Variants in JMJD1C observed in about 807,000 individuals in gnomAD.
The protein encoded by JMJD1C is jumonji domain containing 1C, also known as jumonji domain-containing protein 1C.
A neutral mutation model predicts 245.3 loss-of-function variants in JMJD1C; 31 were observed. The observed-to-expected ratio is 0.13, with a 90% CI of 0.09 to 0.17. The LOEUF (loss-of-function observed/expected upper bound fraction) is 0.17, where lower values mean the gene tolerates loss of function less well. Ranked by LOEUF, JMJD1C falls within the 10% of genes least tolerant of loss-of-function variation. The pLI, the probability that JMJD1C is intolerant of heterozygous loss-of-function variation, is 1.00. For synonymous variants in JMJD1C, 1,057 were observed against 1,017.4 expected (o/e 1.04, Z -0.74); for missense variants, 2,691 against 3,000.2 (o/e 0.90, Z 2.41).
intron 1 of JMJD1C, among the ~76,000 whole-genome samples, chr10:63,393,125 G>A (rs4746125): frequency 0.16 from 24,701 of 151,946 alleles, 2,474 homozygotes; most frequent in Admixed American, 0.31. Context: ...AAAATTAGCC[G>A]GATGTGGTGG....
At chr10:63,303,689 G>C (rs545217599) in intron 2 of JMJD1C, among the ~76,000 whole-genome samples, 102 of 152,216 alleles carry the variant, frequency 6.7e-4, no homozygotes, top group African/African-American at 2.4e-3. Context: ...GTTATTTCTT[G>C]TACTGTTATG....
At chr10:63,379,253 C>A (rs1342821023) in intron 2 of JMJD1C, among the ~76,000 whole-genome samples, 3 of 152,046 alleles carry the variant, frequency 2.0e-5, no homozygotes, top group African/African-American at 7.2e-5. Context: ...TTAGTTATAT[C>A]AAATACCTGC....
In JMJD1C at chr10:63,208,398, T is replaced by G. The variant is rs1369753710; in HGVS notation, c.3271A>C (p.Ser1091Arg). 18 of 1,613,926 alleles carry G rather than the reference T, an allele frequency of 1.1e-5. No homozygotes were observed. Among genetic ancestry groups the G allele is most frequent in the African/African-American group, 2.7e-5 (2 of 74,918 alleles). ...KHSVPQSLPQ[S>R]NYFTTLSNSV... ...TTAGACAATGTAGTGAAATAGTTACTTTGGGGTAAACTCTGAGGCACTGAG... is the reference window on the plus strand; with the variant it reads ...TTAGACAATGTAGTGAAATAGTTACGTTGGGGTAAACTCTGAGGCACTGAG... The change falls in exon 10 of 26, where the codon AGT becomes CGT. Residue 1091 changes from serine to arginine, a missense_variant. This residue lies in a region of JMJD1C where 1,562 missense variants were observed against 1,490.7 expected (regional missense o/e 1.05). Transcript: ENST00000399262.
intron 3 of JMJD1C, among the ~76,000 whole-genome samples, chr10:63,256,628 T>C (rs1179865402): frequency 6.6e-6 from 1 of 152,198 alleles, no homozygotes; most frequent in Non-Finnish European, 1.5e-5. Context: ...TATTACAAAA[T>C]AGCTGTTTCC....
At chr10:63,169,117 CT>C (rs1377479662) in intron 24 of JMJD1C, among the ~76,000 whole-genome samples, 1 of 152,120 alleles carries the variant, frequency 6.6e-6, no homozygotes, top group Non-Finnish European at 1.5e-5. Flanking sequence ...TTATTCATGC[CT>C]TTCTTTTGTG....
At chr10:63,334,777 C>T (rs1942524973) in intron 2 of JMJD1C, among the ~76,000 whole-genome samples, 1 of 150,740 alleles carries the variant, frequency 6.6e-6, no homozygotes, top group South Asian at 2.2e-4. Context: ...GGCGTGATCT[C>T]AGCTTACTGC....
At chr10:63,283,034 T>G (rs575950362) in intron 2 of JMJD1C, among the ~76,000 whole-genome samples, 1 of 152,198 alleles carries the variant, frequency 6.6e-6, no homozygotes, top group South Asian at 2.1e-4. Flanking sequence ...TTTTCTTAAT[T>G]CAGGTCAGTT....
At chr10:63,330,964 G>A (rs1162424114) in intron 2 of JMJD1C, among the ~76,000 whole-genome samples, 1 of 152,084 alleles carries the variant, frequency 6.6e-6, no homozygotes, top group Non-Finnish European at 1.5e-5. Context: ...CTAAGGCTCT[G>A]CACAGTCGAT....
Position 63,206,546 on chromosome 10 carries a change from A to C in JMJD1C, c.5074+49T>G, listed in dbSNP as rs900599834. The C allele has an allele frequency of 2.1e-6, 3 of 1,444,096 alleles. No individual in the cohort carries two copies. In the African/African-American group the frequency reaches 4.3e-5, roughly 21 times the overall value. The allele number at this position is 1,444,096 out of a possible 1,614,324, so 89.5% of individuals were successfully genotyped here. A position where few individuals can be genotyped will look rare whatever the true frequency, so the allele number is the denominator to read the frequency against. ...TTTAAAGCAGCACACTAGTATAGCT[A>C]AAACATTCAGCCCATTTTACCTGAG... On this transcript the variant is annotated intron_variant, in intron 10 of 25. Transcript: ENST00000399262.
intron 1 of JMJD1C, among the ~76,000 whole-genome samples, chr10:63,409,137 G>T (rs1949343029): frequency 6.6e-6 from 1 of 152,122 alleles, no homozygotes. Flanking sequence ...TCTCATGCAG[G>T]TTAATTTCTC....
At chr10:63,496,265 G>A (rs1954363996) in intron 1 of JMJD1C, among the ~76,000 whole-genome samples, 2 of 151,868 alleles carry the variant, frequency 1.3e-5, no homozygotes, top group African/African-American at 2.4e-5. Context: ...GACAGAGAAG[G>A]GGGAGAAGAC....
chr10:63,253,476 C>T (rs113387628), intron 3 of JMJD1C, among the ~76,000 whole-genome samples: 5,584 of 151,948 alleles, frequency 0.037, 331 homozygotes, highest in East Asian at 0.29. Context: ...CTCTGCCTCC[C>T]GGGCTCAAAC....
chr10:63,364,269 A>C (rs1325917179), intron 2 of JMJD1C, among the ~76,000 whole-genome samples: 2 of 152,128 alleles, frequency 1.3e-5, no homozygotes, highest in African/African-American at 2.4e-5. Context: ...TTGGCCTCCC[A>C]AAGTGCTGGG....
At chr10:63,511,676 C>T (rs1437128154) in intron 1 of JMJD1C, among the ~76,000 whole-genome samples, 1 of 151,932 alleles carries the variant, frequency 6.6e-6, no homozygotes, top group Non-Finnish European at 1.5e-5. Context: ...GAGATCGCAC[C>T]ACTGCACTCC....
At position 63,426,451 on chromosome 10, in the gene JMJD1C, T is replaced by C. The variant is rs1005946601; in HGVS notation, c.168+39044A>G. Among the ~76,000 whole-genome samples the C allele has an allele frequency of 3.9e-5, 6 of 152,164 alleles. No homozygotes were observed. In the South Asian group the frequency reaches 6.2e-4, roughly 16 times the overall value. On this transcript the variant is annotated intron_variant, in intron 1 of 25. Coordinates refer to ENST00000399262, the MANE Select transcript of JMJD1C (RefSeq NM_032776.3). ...ACTTTGGGAGGCCAAGGCAGGTGGATCACGATGTCAGGAGTTTGAGACTAG... is the reference window on the plus strand; with the variant it reads ...ACTTTGGGAGGCCAAGGCAGGTGGACCACGATGTCAGGAGTTTGAGACTAG...
intron 1 of JMJD1C, among the ~76,000 whole-genome samples, chr10:63,438,485 CAAAG>C (rs1265501736): frequency 6.6e-6 from 1 of 152,180 alleles, no homozygotes; most frequent in Non-Finnish European, 1.5e-5. Context: ...CTACTATCAA[CAAAG>C]AAAGTAGAGG....
At chr10:63,340,683 C>T (rs1291446196) in intron 2 of JMJD1C, among the ~76,000 whole-genome samples, 1 of 151,920 alleles carries the variant, frequency 6.6e-6, no homozygotes, top group African/African-American at 2.4e-5. Context: ...AGTGGCTCAC[C>T]CCTGTAATCC....
At chr10:63,291,308 C>CA (rs1858665007) in intron 2 of JMJD1C, among the ~76,000 whole-genome samples, 1 of 21,804 alleles carries the variant, frequency 4.6e-5, no homozygotes. Flanking sequence ...AAGTCTGTCT[C>CA]AGAAAAAAAA....
At chr10:63,234,518 A>C (rs1368894454) in intron 3 of JMJD1C, among the ~76,000 whole-genome samples, 2 of 148,958 alleles carry the variant, frequency 1.3e-5, no homozygotes, top group Non-Finnish European at 3.0e-5. Flanking sequence ...AAAAAAAAAA[A>C]AAACACCAAA....
Sources: allele counts gnomAD v4.1 joint callset (sites outside exome capture counted in the v4.1 genomes callset), GRCh38; gene constraint gnomAD v4.1.1; regional missense constraint gnomAD v4.1.1; transcripts MANE v1.5; gene names NCBI Gene and HGNC (gene_info 2026-07-23, HGNC 2026-07-21).